ABTB3: variants seen among roughly 807,000 people sequenced by gnomAD.
ABTB3 encodes the protein ankyrin repeat- and BTB/POZ domain-containing protein 3.
At chr12:107,389,259 G>A in the ABTB3 span, among the ~76,000 whole-genome samples, 1 of 152,192 alleles carries the variant, frequency 6.6e-6, no homozygotes, top group Admixed American at 6.5e-5. Flanking sequence ...GACTCAAGCT[G>A]TAACCACCTA....
chr12:107,436,966 C>T, the ABTB3 span, among the ~76,000 whole-genome samples: 1 of 152,006 alleles, frequency 6.6e-6, no homozygotes, highest in Non-Finnish European at 1.5e-5. Context: ...CCCCGCCGCA[C>T]CTGCCCCAAA....
At chr12:107,643,200 G>A in the ABTB3 span, among the ~76,000 whole-genome samples, 5 of 151,938 alleles carry the variant, frequency 3.3e-5, no homozygotes, top group African/African-American at 1.2e-4. Context: ...AAGCCCAGGA[G>A]TTCTAGACCA....
At chr12:107,380,037 C>T in the ABTB3 span, among the ~76,000 whole-genome samples, 3 of 152,202 alleles carry the variant, frequency 2.0e-5, no homozygotes, top group Non-Finnish European at 1.5e-5. Context: ...CCTTGCAGCC[C>T]TGGCATTGCG....
the ABTB3 span, among the ~76,000 whole-genome samples, chr12:107,547,960 C>G: frequency 6.6e-6 from 1 of 152,172 alleles, no homozygotes; most frequent in South Asian, 2.1e-4. Context: ...CTTAAAGAAA[C>G]CTGCCTGTGA....
the ABTB3 span, among the ~76,000 whole-genome samples, chr12:107,630,569 G>A: frequency 2.6e-5 from 4 of 150,982 alleles, no homozygotes; most frequent in African/African-American, 2.4e-5. Context: ...TCAACCTCCC[G>A]AGTAGCTGGG....
At chr12:107,454,256 G>C in the ABTB3 span, among the ~76,000 whole-genome samples, 2 of 152,252 alleles carry the variant, frequency 1.3e-5, no homozygotes, top group Non-Finnish European at 2.9e-5. Flanking sequence ...AAGCAGGGCA[G>C]TGTCCATTAT....
the ABTB3 span, among the ~76,000 whole-genome samples, chr12:107,638,404 G>A: frequency 8.5e-5 from 13 of 152,168 alleles, no homozygotes; most frequent in Non-Finnish European, 1.5e-4. Flanking sequence ...CAGCTGAGTG[G>A]TCACAGCCCC....
the ABTB3 span, chr12:107,618,081 C>A: frequency 2.8e-6 from 4 of 1,426,124 alleles, no homozygotes; most frequent in South Asian, 3.9e-5. Context: ...CCCTGCTTCC[C>A]CAGCCTGCCC....
At chr12:107,646,481 T>A in the ABTB3 span, among the ~76,000 whole-genome samples, 1 of 152,240 alleles carries the variant, frequency 6.6e-6, no homozygotes, top group Non-Finnish European at 1.5e-5. Context: ...GAGAATAAAT[T>A]GATTTTAATA....
At chr12:107,416,619 C>T in the ABTB3 span, among the ~76,000 whole-genome samples, 51 of 152,250 alleles carry the variant, frequency 3.3e-4, no homozygotes, top group African/African-American at 8.4e-4. Context: ...CTGGCCCTGT[C>T]GGTGTTTCCA....
chr12:107,472,761 G>A, the ABTB3 span, among the ~76,000 whole-genome samples: 5 of 152,208 alleles, frequency 3.3e-5, no homozygotes, highest in South Asian at 1.0e-3. Context: ...GTGGAAAGAT[G>A]AATGGTCACT....
At chr12:107,606,200 CTCA>C in the ABTB3 span, among the ~76,000 whole-genome samples, 21 of 152,162 alleles carry the variant, frequency 1.4e-4, no homozygotes, top group Non-Finnish European at 2.6e-4. Flanking sequence ...TTAAAGTTTC[CTCA>C]TCTGTGGAGT....
the ABTB3 span, among the ~76,000 whole-genome samples, chr12:107,467,393 C>T: frequency 6.6e-6 from 1 of 152,178 alleles, no homozygotes; most frequent in African/African-American, 2.4e-5. Flanking sequence ...CCCTTGTCCC[C>T]CACAAGCCTG....
the ABTB3 span, among the ~76,000 whole-genome samples, chr12:107,527,248 C>G: frequency 1.3e-5 from 2 of 151,662 alleles, no homozygotes; most frequent in Non-Finnish European, 2.9e-5. Context: ...GTAAATCCCA[C>G]CAGAGCTGTA....
the ABTB3 span, among the ~76,000 whole-genome samples, chr12:107,596,639 A>T: frequency 6.6e-6 from 1 of 152,222 alleles, no homozygotes; most frequent in South Asian, 2.1e-4. Flanking sequence ...AACAACAACC[A>T]AAAAATAGTC....
the ABTB3 span, among the ~76,000 whole-genome samples, chr12:107,653,332 C>T: frequency 1.3e-5 from 2 of 151,914 alleles, no homozygotes; most frequent in African/African-American, 4.8e-5. Context: ...CTGGCAAACA[C>T]GGTGAAACCC....
chr12:107,564,090 CTGTGTGTGTGTGTGTGTG>C, the ABTB3 span, among the ~76,000 whole-genome samples: 254 of 126,436 alleles, frequency 2.0e-3, no homozygotes, highest in South Asian at 0.013. Flanking sequence ...ATCTATCTCT[CTGTGTGTGTGTGTGTGTG>C]TGTGTGTGTG....
the ABTB3 span, among the ~76,000 whole-genome samples, chr12:107,441,801 G>A: frequency 5.8e-5 from 7 of 121,620 alleles, no homozygotes; most frequent in East Asian, 1.5e-3. Context: ...ATAGCAGGGT[G>A]TGGTGGTGTG....
At chr12:107,374,223 T>C in the ABTB3 span, among the ~76,000 whole-genome samples, 98 of 152,232 alleles carry the variant, frequency 6.4e-4, no homozygotes, top group Non-Finnish European at 9.8e-4. Context: ...TCGGAGGCTT[T>C]GAGGTCTGCT....
Sources: gnomAD v4.1 joint callset for allele counts (sites outside exome capture counted in the v4.1 genomes callset) on GRCh38, gnomAD v4.1.1 for gene constraint, MANE v1.5 for transcripts, NCBI Gene and HGNC (gene_info 2026-07-23, HGNC 2026-07-21) for gene names.